Variants in GOLGB1 observed in about 807,000 individuals in gnomAD.
GOLGB1 encodes golgin B1.
In GOLGB1, 174 loss-of-function variants were observed where a neutral mutation model predicts 336.9. That is an observed-to-expected ratio of 0.52 (90% CI 0.46 to 0.59). GOLGB1 has a LOEUF of 0.59. Ranked by LOEUF, GOLGB1 falls within the 20% of genes least tolerant of loss-of-function variation. The probability of loss-of-function intolerance (pLI) is 0.00; values close to 1 mark genes in which losing one functional copy is unlikely to be tolerated. For synonymous variants in GOLGB1, 1,208 were observed against 1,289.2 expected (o/e 0.94, Z 1.35); for missense variants, 3,331 against 3,645.3 (o/e 0.91, Z 2.22).
chr3:121,697,038 T>A lies in GOLGB1; in HGVS notation c.3485A>T (p.His1162Leu), dbSNP rs775447118. 1 of 1,614,064 alleles carries A rather than the reference T, an allele frequency of 6.2e-7. No individual in the cohort carries two copies. Among genetic ancestry groups the A allele is most frequent in the Non-Finnish European group, 8.5e-7 (1 of 1,179,926 alleles). Reference protein sequence around the residue: ...ISPPCTGSSEHWKPELEEKIL... With the variant: ...ISPPCTGSSELWKPELEEKIL... ...CTTTTCTTCTAGTTCTGGTTTCCAG[T>A]GTTCACTACTACCTGTACAAGGTGG... Residue 1162 changes from histidine to leucine, a missense_variant, in exon 13 of 22, where the codon CAC becomes CTC. Coordinates refer to ENST00000614479, the MANE Select transcript of GOLGB1 (RefSeq NM_001366282.2).
chr3:121,728,760 T>G (rs1263364081), intron 4 of GOLGB1, among the ~76,000 whole-genome samples: 1 of 152,184 alleles, frequency 6.6e-6, no homozygotes, highest in African/African-American at 2.4e-5. Context: ...CACCACTATG[T>G]GACTATATAT....
intron 14 of GOLGB1, among the ~76,000 whole-genome samples, chr3:121,688,923 TGA>T (rs1227509467): frequency 6.7e-6 from 1 of 149,116 alleles, no homozygotes; most frequent in Non-Finnish European, 1.5e-5. Flanking sequence ...CTGCCCCATC[TGA>T]GAAGTGAGGA....
Position 121,696,072 on chromosome 3 carries a change from T to A in GOLGB1, c.4451A>T (p.Gln1484Leu), listed in dbSNP as rs1942913759. ...AGCTTGCAGTTTCCTTTGTATTTGT[T>A]GCTTTGCTCTACTTTCTTCTCCAAT... Reference protein sequence around the residue: ...EEIGEESRAKQQIQRKLQAAL... With the variant: ...EEIGEESRAKLQIQRKLQAAL... The change falls in exon 13 of 22, where the codon CAA becomes CTA. Residue 1484 changes from glutamine to leucine, a missense_variant. Coordinates refer to ENST00000614479, the MANE Select transcript of GOLGB1 (RefSeq NM_001366282.2). 2 of 1,613,838 alleles carry A rather than the reference T, an allele frequency of 1.2e-6. No individual in the cohort carries two copies. Among genetic ancestry groups the A allele is most frequent in the African/African-American group, 2.7e-5 (2 of 74,888 alleles).
At position 121,730,990 on chromosome 3, in the gene GOLGB1, G is replaced by A. The variant is rs1394616448; in HGVS notation, c.-2-17C>T. ...TCAGCATTTCTGTAGGAAAAGAAGG[G>A]GGGAAAAAACCTAAGAATCAGCAAA... On this transcript the variant is annotated splice_polypyrimidine_tract_variant and intron_variant, in intron 1 of 21. Coordinates refer to ENST00000614479, the MANE Select transcript of GOLGB1 (RefSeq NM_001366282.2). The A allele has an allele frequency of 1.9e-6, 3 of 1,605,032 alleles. No homozygotes were observed. In the South Asian group the frequency reaches 3.3e-5, roughly 18 times the overall value.
intron 1 of GOLGB1, among the ~76,000 whole-genome samples, chr3:121,736,262 C>T (rs1409853721): frequency 1.3e-5 from 2 of 152,148 alleles, no homozygotes; most frequent in African/African-American, 4.8e-5. Flanking sequence ...TAGTGACTCA[C>T]TTCCAAAGAA....
intron 14 of GOLGB1, among the ~76,000 whole-genome samples, chr3:121,682,435 C>G (rs1463427809): frequency 1.3e-5 from 2 of 152,100 alleles, no homozygotes; most frequent in East Asian, 3.8e-4. Flanking sequence ...GAGTCTTGCT[C>G]TGTTGCCCAG....
intron 14 of GOLGB1, among the ~76,000 whole-genome samples, chr3:121,682,811 T>C (rs1941231232): frequency 1.3e-5 from 2 of 152,114 alleles, no homozygotes; most frequent in African/African-American, 4.8e-5. Flanking sequence ...TAAAATTAAT[T>C]TTGGAAGCTG....
chr3:121,722,323 T>C lies in GOLGB1; in HGVS notation c.587A>G (p.Glu196Gly), dbSNP rs777939271. Residue 196 changes from glutamate to glycine, a missense_variant, in exon 6 of 22, where the codon GAA (glutamate) becomes GGA (glycine). Transcript: ENST00000614479. Reference protein sequence around the residue: ...VMMKQQLQEKEEFISTLQAQL... With the variant: ...VMMKQQLQEKGEFISTLQAQL... ...GGCTTGTAAAGTGCTAATGAATTCT[T>C]CCTTCTCCTGGAGCTGTTGCTTCAT... is the stretch of plus-strand genomic sequence containing the variant. The C allele has an allele frequency of 6.2e-7, 1 of 1,613,140 alleles. No homozygotes were observed. The highest frequency in any genetic ancestry group is 8.5e-7 in the Non-Finnish European group (1 of 1,179,150).
intron 17 of GOLGB1, among the ~76,000 whole-genome samples, chr3:121,676,060 A>G (rs892617005): frequency 1.3e-5 from 2 of 152,244 alleles, no homozygotes; most frequent in Non-Finnish European, 2.9e-5. Context: ...AAGAGTCTAC[A>G]GTTTAACTAA....
At position 121,717,100 on chromosome 3, in the gene GOLGB1, T is replaced by C; in HGVS notation, c.925A>G (p.Asn309Asp). 6.2e-7 allele frequency: 1 copy of C among 1,613,070 alleles called. No homozygotes were observed. Among genetic ancestry groups the C allele is most frequent in the Non-Finnish European group, 8.5e-7 (1 of 1,179,222 alleles). The change falls in exon 9 of 22, where the codon AAT (asparagine) becomes GAT (aspartate). Residue 309 changes from asparagine (N) to aspartate (D), a missense_variant. Asn to Asp is a conservative substitution (Grantham distance 23). Coordinates refer to ENST00000614479, the MANE Select transcript of GOLGB1 (RefSeq NM_001366282.2). ...QQLQQMEAEH[N>D]TLRNTVETER... Reference sequence around the variant, plus strand: ...GTTTCCACAGTGTTCCTCAAAGTATTATGCTCAGCTTCCATCTGCTGTAAC... The same window carrying C: ...GTTTCCACAGTGTTCCTCAAAGTATCATGCTCAGCTTCCATCTGCTGTAAC...
In GOLGB1 at chr3:121,698,448, T is replaced by C; in HGVS notation, c.2075A>G (p.Glu692Gly). The C allele has an allele frequency of 1.2e-6, 2 of 1,613,948 alleles. No individual in the cohort carries two copies. The highest frequency in any genetic ancestry group is 1.7e-6 in the Non-Finnish European group (2 of 1,179,894). ...DIGQCHQDEL[E>G]RLKSQILELE... ...CTCCAAAATTTGACTTTTTAACCTT[T>C]CCAACTCATCCTGATGACACTGACC... The change falls in exon 13 of 22, where the codon GAA becomes GGA. Residue 692 changes from glutamate (E) to glycine (G), a missense_variant. Glu to Gly is a moderately conservative substitution (Grantham distance 98). Coordinates refer to ENST00000614479, the MANE Select transcript of GOLGB1 (RefSeq NM_001366282.2).
intron 5 of GOLGB1, 113 bp downstream of exon 5, chr3:121,726,800 T>C (rs933412603): frequency 1.5e-6 from 1 of 658,252 alleles, no homozygotes; most frequent in Middle Eastern, 2.7e-4. Flanking sequence ...GAGACTGATA[T>C]ATACATAGAT....
At chr3:121,681,615 C>A in intron 15 of GOLGB1, 72 bp downstream of exon 15, 1 of 1,117,100 alleles carries the variant, frequency 9.0e-7, no homozygotes, top group Non-Finnish European at 1.3e-6. Context: ...CACTATTTTC[C>A]CAAATCTACA....
intron 9 of GOLGB1, among the ~76,000 whole-genome samples, chr3:121,715,473 C>T (rs561564760): frequency 9.3e-4 from 140 of 151,340 alleles, no homozygotes; most frequent in African/African-American, 3.0e-3. Flanking sequence ...CCACCTTGAC[C>T]TCCCCAAAGT....
chr3:121,697,843 C>A lies in GOLGB1; in HGVS notation c.2680G>T (p.Val894Leu). The A allele has an allele frequency of 1.9e-6, 3 of 1,614,126 alleles. No homozygotes were observed. In the Middle Eastern group the frequency reaches 4.9e-4, roughly 266 times the overall value. Residue 894 changes from valine to leucine, a missense_variant, in exon 13 of 22, where the codon GTG becomes TTG. Transcript: ENST00000614479. ...DQLLLEKKRD[V>L]ETLQQTIEEK... is the part of the protein sequence containing the mutation. The stretch of plus-strand genomic sequence containing the variant: ...TCGATGGTTTGTTGGAGGGTTTCCA[C>A]ATCTCTCTTTTTCTCTAGTAAGAGC...
chr3:121,673,194 A>T (rs1434655876), intron 17 of GOLGB1, among the ~76,000 whole-genome samples: 1 of 151,182 alleles, frequency 6.6e-6, no homozygotes, highest in Non-Finnish European at 1.5e-5. Flanking sequence ...TCAGTCTCCC[A>T]AGTAGCTGGG....
At chr3:121,734,810 C>T (rs1333140487) in intron 1 of GOLGB1, among the ~76,000 whole-genome samples, 1 of 152,132 alleles carries the variant, frequency 6.6e-6, no homozygotes, top group Admixed American at 6.5e-5. Flanking sequence ...AAAAGTTAAA[C>T]GTACATTTAC....
At chr3:121,680,530 G>A (rs980965069) in intron 15 of GOLGB1, among the ~76,000 whole-genome samples, 14 of 152,118 alleles carry the variant, frequency 9.2e-5, no homozygotes, top group African/African-American at 3.4e-4. Flanking sequence ...GGAAATTTTA[G>A]AACTGAAAAA....
chr3:121,720,179 C>T (rs1399497754), intron 6 of GOLGB1, among the ~76,000 whole-genome samples: 1 of 152,170 alleles, frequency 6.6e-6, no homozygotes, highest in Non-Finnish European at 1.5e-5. Context: ...TTCTCATGCC[C>T]TATAAATGAA....
Sources: allele counts gnomAD v4.1 joint callset (sites outside exome capture counted in the v4.1 genomes callset), GRCh38; gene constraint gnomAD v4.1.1; transcripts MANE v1.5; gene names NCBI Gene and HGNC (gene_info 2026-07-23, HGNC 2026-07-21).